GINM1: variants seen among roughly 807,000 people sequenced by gnomAD.
GINM1 encodes the protein glycoprotein integral membrane protein 1.
A neutral mutation model predicts 37.8 loss-of-function variants in GINM1; 29 were observed. The observed-to-expected ratio is 0.77, with a 90% CI of 0.57 to 1.05. The LOEUF (loss-of-function observed/expected upper bound fraction) is 1.05, where lower values mean the gene tolerates loss of function less well. Among genes scored for constraint, GINM1 ranks in the 50% least tolerant of loss-of-function variants. The pLI, the probability that GINM1 is intolerant of heterozygous loss-of-function variation, is 0.00. For missense variants in GINM1, 377 were observed against 397.9 expected (o/e 0.95, Z 0.45); for synonymous variants, 143 against 146.2 (o/e 0.98, Z 0.16).
intron 7 of GINM1, among the ~76,000 whole-genome samples, chr6:149,587,900 A>G (rs764772537): frequency 9.9e-5 from 15 of 152,212 alleles, no homozygotes; most frequent in Non-Finnish European, 1.8e-4. Flanking sequence ...GCCATCAGTC[A>G]TCATTAGCAT....
intron 7 of GINM1, among the ~76,000 whole-genome samples, chr6:149,587,194 G>A (rs1438708490): frequency 6.6e-6 from 1 of 152,136 alleles, no homozygotes; most frequent in Non-Finnish European, 1.5e-5. Flanking sequence ...AAATACTTTG[G>A]TTTTTCCTAC....
chr6:149,574,465 A>G (rs952408433), intron 3 of GINM1, among the ~76,000 whole-genome samples: 1 of 151,940 alleles, frequency 6.6e-6, no homozygotes, highest in African/African-American at 2.4e-5. Context: ...CTTTGTCCCA[A>G]CTGTTCTGTG....
At chr6:149,572,888 A>G (rs566236613) in intron 3 of GINM1, among the ~76,000 whole-genome samples, 1 of 151,026 alleles carries the variant, frequency 6.6e-6, no homozygotes, top group African/African-American at 2.4e-5. Context: ...TCTTGATTGA[A>G]CTCCTAGCCT....
At chr6:149,575,267 G>A (rs981893233) in intron 3 of GINM1, among the ~76,000 whole-genome samples, 1 of 152,154 alleles carries the variant, frequency 6.6e-6, no homozygotes, top group Non-Finnish European at 1.5e-5. Flanking sequence ...ATTCCCTTTG[G>A]TATTTCTTTC....
intron 7 of GINM1, among the ~76,000 whole-genome samples, chr6:149,587,556 A>G (rs1019443213): frequency 6.6e-6 from 1 of 152,168 alleles, no homozygotes; most frequent in Non-Finnish European, 1.5e-5. Context: ...GTTTATTACA[A>G]AGGAAACATG....
chr6:149,570,219 A>G (rs1777797817), intron 1 of GINM1, among the ~76,000 whole-genome samples: 1 of 126,070 alleles, frequency 7.9e-6, no homozygotes, highest in Admixed American at 9.0e-5. Flanking sequence ...ACTTGCTAAC[A>G]ATATAGTGTT....
chr6:149,572,603 G>C lies in GINM1; in HGVS notation c.277G>C (p.Val93Leu), dbSNP rs1554219254. 8 of 1,492,892 alleles carry C rather than the reference G, an allele frequency of 5.4e-6. No individual in the cohort carries two copies. In the South Asian group the frequency reaches 8.0e-5, roughly 15 times the overall value. 92.5% of individuals were successfully genotyped at this position (1,492,892 alleles called of 1,614,324 possible). Residue 93 changes from valine to leucine, a missense_variant and splice_region_variant, in exon 3 of 8, where the codon GTG becomes CTG. Val to Leu is a conservative substitution (Grantham distance 32, BLOSUM62 1). Transcript: ENST00000367419. ...VTRISCQTLI[V>L]KNENLENLEE... is the part of the protein sequence containing the mutation. Reference sequence around the variant, plus strand: ...CCGAATAAGCTGTCAGACTTTGATAGGTGAGTATTACTAAATTATTTCCAT... The same window carrying C: ...CCGAATAAGCTGTCAGACTTTGATACGTGAGTATTACTAAATTATTTCCAT...
chr6:149,580,806 A>G, intron 6 of GINM1, 83 bp downstream of exon 6: 1 of 1,225,676 alleles, frequency 8.2e-7, no homozygotes, highest in African/African-American at 1.5e-5. Flanking sequence ...TGGAGTGGAA[A>G]TCCTGAAGAA....
chr6:149,583,076 C>T (rs1334747582), intron 7 of GINM1, among the ~76,000 whole-genome samples: 2 of 151,982 alleles, frequency 1.3e-5, no homozygotes, highest in Admixed American at 1.3e-4. Context: ...TGGCTGTAAT[C>T]CCAGCACTTT....
At position 149,566,644 on chromosome 6, in the gene GINM1, C is replaced by T; in HGVS notation, c.120+110C>T. The T allele has an allele frequency of 7.5e-7, 1 of 1,336,240 alleles. No individual in the cohort carries two copies. The allele number at this position is 1,336,240 out of a possible 1,614,324, so 82.8% of individuals were successfully genotyped here. Reference sequence around the variant, plus strand: ...CCCACCGGCGGGCAGGGGCGGGGGTCCGGGCCCCCGAAGGAGGTGTGGGGA... The same window carrying T: ...CCCACCGGCGGGCAGGGGCGGGGGTTCGGGCCCCCGAAGGAGGTGTGGGGA... On this transcript the variant is annotated intron_variant, in intron 1 of 7. Transcript: ENST00000367419. This position sits in a 1 kb window ranked among gnomAD's most constrained non-coding sequence, Gnocchi z 4.4.
At chr6:149,581,669 T>C (rs1778003993) in intron 6 of GINM1, among the ~76,000 whole-genome samples, 1 of 152,216 alleles carries the variant, frequency 6.6e-6, no homozygotes, top group Non-Finnish European at 1.5e-5. Flanking sequence ...ACCTGTGACA[T>C]TTATACTGCT....
At chr6:149,585,819 C>T (rs1778062879) in intron 7 of GINM1, among the ~76,000 whole-genome samples, 1 of 152,068 alleles carries the variant, frequency 6.6e-6, no homozygotes, top group Admixed American at 6.6e-5. Context: ...GTCTTGATCC[C>T]CTGACCTCGT....
chr6:149,579,707 A>G (rs1777969173), intron 4 of GINM1, 127 bp from the exon 5 acceptor site: 1 of 559,276 alleles, frequency 1.8e-6, no homozygotes, highest in African/African-American at 2.0e-5. Context: ...AAAAAAAAAA[A>G]AAAGAGTAAT....
At chr6:149,572,632 T>TTA in intron 3 of GINM1, 29 bp downstream of exon 3, 4 of 1,239,452 alleles carry the variant, frequency 3.2e-6, no homozygotes, top group Non-Finnish European at 4.7e-6. Flanking sequence ...TTTCCATAAT[T>TTA]GCTCTGTTTT....
At chr6:149,578,798 G>A in intron 3 of GINM1, 24 bp from the exon 4 acceptor site, 1 of 1,480,978 alleles carries the variant, frequency 6.8e-7, no homozygotes, top group Non-Finnish European at 9.3e-7. Context: ...TTGTTCAAAG[G>A]TGTCACTACT....
chr6:149,566,549 G>A lies in GINM1; in HGVS notation c.120+15G>A. On this transcript the variant is annotated intron_variant, in intron 1 of 7. Coordinates refer to ENST00000367419, the MANE Select transcript of GINM1 (RefSeq NM_138785.5). The surrounding 1 kb of genome is among the most constrained non-coding windows in gnomAD (Gnocchi z 4.4). ...GAGCCCCACAGGTAGGGCAGGGCGG[G>A]CCTGGCTGGCCGCTTTACGACTCCG... The A allele has an allele frequency of 6.7e-7, 1 of 1,484,734 alleles. No individual in the cohort carries two copies. The highest frequency in any genetic ancestry group is 8.9e-7 in the Non-Finnish European group (1 of 1,121,518). The allele number at this position is 1,484,734 out of a possible 1,614,324, so 92.0% of individuals were successfully genotyped here. A position where few individuals can be genotyped will look rare whatever the true frequency, so the allele number is the denominator to read the frequency against.
chr6:149,588,819 G>T (rs1376276250), intron 7 of GINM1, among the ~76,000 whole-genome samples: 3 of 151,790 alleles, frequency 2.0e-5, no homozygotes, highest in African/African-American at 2.4e-5. Context: ...TGTTGTTGTT[G>T]TTGAGACACA....
At chr6:149,590,204 C>T (rs1778133382) in intron 7 of GINM1, among the ~76,000 whole-genome samples, 1 of 152,216 alleles carries the variant, frequency 6.6e-6, no homozygotes, top group Non-Finnish European at 1.5e-5. Flanking sequence ...CTTGCAGTTA[C>T]TCCCCTGTGA....
chr6:149,574,490 C>T (rs530891233), intron 3 of GINM1, among the ~76,000 whole-genome samples: 161 of 152,244 alleles, frequency 1.1e-3, no homozygotes, highest in Non-Finnish European at 1.8e-3. Context: ...TTTTTCTTCC[C>T]CCTTTGCCTT....
Sources: gnomAD v4.1 joint callset for allele counts (sites outside exome capture counted in the v4.1 genomes callset) on GRCh38, gnomAD v4.1.1 for gene constraint, Gnocchi (gnomAD v3.1) non-coding constraint, MANE v1.5 for transcripts, NCBI Gene and HGNC (gene_info 2026-07-23, HGNC 2026-07-21) for gene names.